MYO3A: variants seen among roughly 807,000 people sequenced by gnomAD.
MYO3A encodes the protein myosin-IIIa.
Under a neutral mutation model 192.7 loss-of-function variants are expected in MYO3A, and 180 were observed. The observed-to-expected ratio is 0.93, with a 90% CI of 0.83 to 1.06. The LOEUF is 1.06. Ranked by LOEUF, MYO3A falls within the 50% of genes least tolerant of loss-of-function variation. The pLI, the probability that MYO3A is intolerant of heterozygous loss-of-function variation, is 0.00. For missense variants in MYO3A, 1,896 were observed against 1,905.0 expected (o/e 1.00, Z 0.09); for synonymous variants, 628 against 645.3 (o/e 0.97, Z 0.41).
At position 26,007,095 on chromosome 10, in the gene MYO3A, G is replaced by A. The variant is rs536857859; in HGVS notation, c.509-9725G>A. Among the ~76,000 whole-genome samples, 7 of 148,276 alleles carry A rather than the reference G, an allele frequency of 4.7e-5. 1 individual carries two copies. The highest frequency in any genetic ancestry group is 2.1e-4 in the South Asian group (1 of 4,760). ...GTTCAATATACGCAAATCAATAAAC[G>A]TAATCCAGCATATCAACAGAACCGA... On this transcript the variant is annotated intron_variant, in intron 6 of 34. Transcript: ENST00000642920.
intron 3 of MYO3A, among the ~76,000 whole-genome samples, chr10:25,954,286 G>A (rs556449293): frequency 3.3e-5 from 5 of 152,046 alleles, no homozygotes; most frequent in Non-Finnish European, 5.9e-5. Context: ...CTAGAAATAT[G>A]TCTAAGTGGC....
chr10:26,066,117 G>A (rs1486873864), intron 10 of MYO3A, among the ~76,000 whole-genome samples: 2 of 115,014 alleles, frequency 1.7e-5, no homozygotes, highest in African/African-American at 3.4e-5. Context: ...GCGAAACTCC[G>A]TCTCAAAAAA....
intron 26 of MYO3A, among the ~76,000 whole-genome samples, chr10:26,161,146 C>T (rs945617822): frequency 1.3e-5 from 2 of 152,142 alleles, no homozygotes; most frequent in Non-Finnish European, 2.9e-5. Flanking sequence ...TTTTCTGTGT[C>T]ACTAATTTGG....
rs1375727402 is a variant in MYO3A, at chr10:26,026,527, G to T, written c.948G>T (p.Lys316Asn). 3.7e-6 allele frequency: 6 copies of T among 1,613,906 alleles called. No individual in the cohort carries two copies. Among genetic ancestry groups the T allele is most frequent in the Middle Eastern group, 1.6e-4 (1 of 6,084 alleles). ...ATCAATGCATGGGAGGCACAGAAAAGGCCAGGTAATCAAATAATATCTTGA... is the reference window on the plus strand; with the variant it reads ...ATCAATGCATGGGAGGCACAGAAAATGCCAGGTAATCAAATAATATCTTGA... Reference protein sequence around the residue: ...GIHQCMGGTEKARRERIHTKK... With the variant: ...GIHQCMGGTENARRERIHTKK... The change falls in exon 10 of 35, where the codon AAG becomes AAT. Residue 316 changes from lysine (K) to asparagine (N), a missense_variant. Physicochemically the swap from Lys to Asn is moderately conservative, Grantham distance 94. Transcript: ENST00000642920.
intron 14 of MYO3A, among the ~76,000 whole-genome samples, chr10:26,086,729 G>A (rs1546701): frequency 0.29 from 44,667 of 151,870 alleles, 7,042 homozygotes; most frequent in Middle Eastern, 0.43. Flanking sequence ...ATTCTAAAAG[G>A]TTTTAACAAC....
chr10:26,095,846 G>A (rs751069193), intron 15 of MYO3A, among the ~76,000 whole-genome samples: 20 of 152,294 alleles, frequency 1.3e-4, no homozygotes, highest in Non-Finnish European at 2.1e-4. Flanking sequence ...GGTTAAAGGC[G>A]TGGGCTTTGG....
intron 31 of MYO3A, among the ~76,000 whole-genome samples, chr10:26,188,021 T>A (rs1347733723): frequency 6.6e-6 from 1 of 152,208 alleles, no homozygotes; most frequent in African/African-American, 2.4e-5. Flanking sequence ...ATGGGATGGC[T>A]GGGTCAAATG....
rs116533701 is a variant in MYO3A at position 25,981,429 on chromosome 10, T to C, written c.304-15061T>C. ...AAAAATTTAGACACAAAAAGGCACA[T>C]TTTATGAATTTGTTTTAAATGATCA... On this transcript the variant is annotated intron_variant, in intron 4 of 34. Transcript: ENST00000642920. Among the ~76,000 whole-genome samples, 1,314 of 152,268 alleles carry C rather than the reference T, an allele frequency of 8.6e-3. 15 individuals are homozygous for C. Among genetic ancestry groups the C allele is most frequent in the African/African-American group, 0.029 (1,193 of 41,562 alleles).
chr10:26,201,384 A>G (rs1445903890), intron 33 of MYO3A, 79 bp downstream of exon 33: 12 of 1,181,664 alleles, frequency 1.0e-5, no homozygotes, highest in Admixed American at 4.3e-5. Context: ...TTATGATTTA[A>G]AATCACCTAT....
At chr10:26,081,133 T>TGCCCCCCCCCCCCC (rs1835903762) in intron 14 of MYO3A, among the ~76,000 whole-genome samples, 1 of 84,978 alleles carries the variant, frequency 1.2e-5, no homozygotes, top group Non-Finnish European at 2.5e-5. Flanking sequence ...TATATGCCCT[T>TGCCCCCCCCCCCCC]CCCCCCCCCC....
In MYO3A at chr10:26,012,014, A is replaced by G. The variant is rs112067523; in HGVS notation, c.509-4806A>G. 9.1e-3 allele frequency among the ~76,000 whole-genome samples: 1,381 copies of G among 152,332 alleles called. 16 individuals are homozygous for G. The highest frequency in any genetic ancestry group is 0.031 in the African/African-American group (1,284 of 41,566). ...AACCCAAAACCATATGATCATCTCA[A>G]TAGATGCAGAAAAAGCATTTAACAG... On this transcript the variant is annotated intron_variant, in intron 6 of 34. Transcript: ENST00000642920.
chr10:25,999,291 A>G (rs1840636666), intron 6 of MYO3A, among the ~76,000 whole-genome samples: 1 of 152,202 alleles, frequency 6.6e-6, no homozygotes, highest in Admixed American at 6.5e-5. Context: ...ATTTTTGGCA[A>G]TAATTAGAAA....
At chr10:25,984,681 G>T (rs1182417408) in intron 4 of MYO3A, among the ~76,000 whole-genome samples, 1 of 151,986 alleles carries the variant, frequency 6.6e-6, no homozygotes, top group Non-Finnish European at 1.5e-5. Flanking sequence ...AAACCCTGGT[G>T]TTCCTACAGT....
intron 10 of MYO3A, among the ~76,000 whole-genome samples, chr10:26,050,095 C>T (rs996471074): frequency 2.0e-5 from 3 of 151,940 alleles, no homozygotes; most frequent in Non-Finnish European, 2.9e-5. Context: ...CTAGGTTCTC[C>T]ATAATGAACA....
At chr10:25,957,931 G>A (rs1320763000) in intron 4 of MYO3A, among the ~76,000 whole-genome samples, 2 of 151,968 alleles carry the variant, frequency 1.3e-5, no homozygotes, top group Non-Finnish European at 2.9e-5. Context: ...CACTTTTAAT[G>A]AGGTTGTTTG....
intron 4 of MYO3A, among the ~76,000 whole-genome samples, chr10:25,985,540 A>C (rs1363016852): frequency 6.6e-6 from 1 of 152,222 alleles, no homozygotes; most frequent in Non-Finnish European, 1.5e-5. Flanking sequence ...GAAATACAAA[A>C]GATTATTCAA....
chr10:26,144,452 T>C (rs1487329450), intron 21 of MYO3A, among the ~76,000 whole-genome samples: 1 of 151,682 alleles, frequency 6.6e-6, no homozygotes, highest in African/African-American at 2.4e-5. Flanking sequence ...AATTGGACAA[T>C]ACTAGATGGA....
rs189392711 is a variant in MYO3A, at chr10:26,011,857, A to T, written c.509-4963A>T. Among the ~76,000 whole-genome samples the T allele has an allele frequency of 1.1e-4, 16 of 152,322 alleles. No individual in the cohort carries two copies. The East Asian group carries it at 1.2e-3, about 11-fold the overall frequency. On this transcript the variant is annotated intron_variant, in intron 6 of 34. Transcript: ENST00000642920. ...TTGATGCAAAAATCCTCAACCAAAT[A>T]CTAGCTAACTGAATCCAACAGCACG...
At chr10:26,205,608 C>CT (rs576007724) in intron 34 of MYO3A, among the ~76,000 whole-genome samples, 2,218 of 68,636 alleles carry the variant, frequency 0.032, 369 homozygotes, top group African/African-American at 0.055. Context: ...CTTTTCTTTT[C>CT]TTTTTTTTTT....
Sources: allele counts gnomAD v4.1 joint callset (sites outside exome capture counted in the v4.1 genomes callset), GRCh38; gene constraint gnomAD v4.1.1; transcripts MANE v1.5; gene names NCBI Gene and HGNC (gene_info 2026-07-23, HGNC 2026-07-21).